The following LGR4 variants were observed in gnomAD, a reference collection of about 807,000 sequenced individuals.
LGR4 encodes leucine-rich repeat-containing G protein-coupled receptor 4.
A neutral mutation model predicts 84.8 loss-of-function variants in LGR4; 44 were observed. That is an observed-to-expected ratio of 0.52 (90% CI 0.41 to 0.67). LGR4 has a LOEUF of 0.67. Ranked by LOEUF, LGR4 falls within the 30% of genes least tolerant of loss-of-function variation. The probability of loss-of-function intolerance (pLI) is 0.00; values close to 1 mark genes in which losing one functional copy is unlikely to be tolerated. For synonymous variants in LGR4, 429 were observed against 434.3 expected (o/e 0.99, Z 0.15); for missense variants, 1,032 against 1,131.4 (o/e 0.91, Z 1.26).
intron 1 of LGR4, among the ~76,000 whole-genome samples, chr11:27,461,343 T>C (rs78253320): frequency 6.8e-6 from 1 of 146,718 alleles, no homozygotes; most frequent in African/African-American, 2.5e-5. Context: ...TCTCCATAAA[T>C]TAAAAAAAAA....
chr11:27,417,380 G>C (rs1863840870), intron 1 of LGR4, among the ~76,000 whole-genome samples: 1 of 152,030 alleles, frequency 6.6e-6, no homozygotes, highest in South Asian at 2.1e-4. Context: ...CAGGGTCTTT[G>C]GTAATCAACC....
intron 1 of LGR4, among the ~76,000 whole-genome samples, chr11:27,466,188 G>C (rs187790675): frequency 3.0e-4 from 45 of 152,228 alleles, no homozygotes; most frequent in Non-Finnish European, 5.7e-4. Flanking sequence ...ACATTTGGCA[G>C]GGTTTTAACT....
At chr11:27,373,792 G>A in intron 14 of LGR4, 116 bp from the exon 15 acceptor site, 1 of 1,098,338 alleles carries the variant, frequency 9.1e-7, no homozygotes, top group Non-Finnish European at 1.3e-6. Context: ...AAGTGGGGGT[G>A]CTAAAATTAT....
intron 1 of LGR4, among the ~76,000 whole-genome samples, chr11:27,447,040 T>G: frequency 2.2e-5 from 3 of 133,576 alleles, no homozygotes; most frequent in Admixed American, 7.7e-5. Context: ...TGTCATGGGG[T>G]CAGGGGAGGG....
At chr11:27,411,042 C>T (rs763667095) in intron 2 of LGR4, among the ~76,000 whole-genome samples, 2 of 152,090 alleles carry the variant, frequency 1.3e-5, no homozygotes, top group East Asian at 1.9e-4. Flanking sequence ...AACTGGCAAT[C>T]GAAGGCATCA....
intron 11 of LGR4, 147 bp from the exon 12 acceptor site, chr11:27,377,370 C>T (rs1590345373): frequency 2.2e-6 from 1 of 458,848 alleles, no homozygotes; most frequent in Non-Finnish European, 3.9e-6. Context: ...TTTCCTAAGA[C>T]TTGTCAGCTT....
rs1257557514 is a variant in LGR4, at chr11:27,366,185, A to AT, written c.*1681dup. 2 of 152,598 alleles carry AT rather than the reference A, an allele frequency of 1.3e-5. No individual in the cohort carries two copies. Among genetic ancestry groups the AT allele is most frequent in the Non-Finnish European group, 2.9e-5 (2 of 67,976 alleles). 9.5% of individuals were successfully genotyped at this position (152,598 alleles called of 1,614,324 possible). ...AGATGTGTAAATATACATGATAGCA[A>AT]TTTTTAAAACTTGTAAATAGTTGGC... On this transcript the variant is annotated 3_prime_UTR_variant, in exon 18 of 18. Transcript: ENST00000379214.
At chr11:27,438,818 C>G (rs547866379) in intron 1 of LGR4, among the ~76,000 whole-genome samples, 1 of 152,296 alleles carries the variant, frequency 6.6e-6, no homozygotes, top group South Asian at 2.1e-4. Context: ...CCTTCAGACT[C>G]TAACTGAAAC....
intron 1 of LGR4, among the ~76,000 whole-genome samples, chr11:27,461,836 A>ATTTTTTTT (rs35205372): frequency 7.8e-5 from 6 of 76,556 alleles, no homozygotes; most frequent in Admixed American, 2.0e-4. Context: ...TTGAGTTAGG[A>ATTTTTTTT]TTTTTTTTTT....
At chr11:27,413,639 G>A (rs1389766688) in intron 1 of LGR4, among the ~76,000 whole-genome samples, 5 of 152,150 alleles carry the variant, frequency 3.3e-5, no homozygotes, top group African/African-American at 7.2e-5. Context: ...CCCAGCATGC[G>A]CTGGGGCAGT....
At chr11:27,471,057 T>A (rs755764085) in intron 1 of LGR4, among the ~76,000 whole-genome samples, 6 of 152,172 alleles carry the variant, frequency 3.9e-5, no homozygotes, top group Non-Finnish European at 7.4e-5. Context: ...CTGCTCCTGA[T>A]TTAAGCATTC....
At chr11:27,445,807 G>A (rs573728904) in intron 1 of LGR4, among the ~76,000 whole-genome samples, 256 of 152,198 alleles carry the variant, frequency 1.7e-3, no homozygotes, top group Middle Eastern at 0.014. Flanking sequence ...GAGCCCACAG[G>A]TGAAGGTTGC....
At chr11:27,455,940 A>T (rs1864567480) in intron 1 of LGR4, among the ~76,000 whole-genome samples, 1 of 152,178 alleles carries the variant, frequency 6.6e-6, no homozygotes, top group Non-Finnish European at 1.5e-5. Flanking sequence ...AATAGATAAC[A>T]CGTGTTACGC....
chr11:27,385,810 G>T (rs867881461), intron 4 of LGR4, among the ~76,000 whole-genome samples: 4 of 39,780 alleles, frequency 1.0e-4, no homozygotes, highest in Admixed American at 4.0e-4. Context: ...TAATTATCAG[G>T]CATACAAAAA....
At chr11:27,385,508 T>C (rs1863171789) in intron 4 of LGR4, 40 bp from the exon 5 acceptor site, 7 of 1,343,024 alleles carry the variant, frequency 5.2e-6, no homozygotes, top group Non-Finnish European at 7.3e-6. Context: ...TAACAAATTC[T>C]AGTGAAATGA....
At chr11:27,457,668 T>A (rs1221806354) in intron 1 of LGR4, among the ~76,000 whole-genome samples, 1 of 152,236 alleles carries the variant, frequency 6.6e-6, no homozygotes, top group East Asian at 1.9e-4. Flanking sequence ...TAGGTATTTA[T>A]GCAAGTGAAA....
chr11:27,416,772 C>A (rs995272096), intron 1 of LGR4, among the ~76,000 whole-genome samples: 2 of 152,146 alleles, frequency 1.3e-5, no homozygotes, highest in Non-Finnish European at 2.9e-5. Context: ...CTCCCAAATA[C>A]CAGCAGTCAT....
Position 27,376,319 on chromosome 11 carries a change from G to T in LGR4, c.1161C>A (p.Gly387=). ...IYQIKEGTFQ[G]LISLRILDLS... ...CTTACAGAATCCTTAGAGATATCAG[G>T]CCTTGAAAGGTGCCTTCCTTTATTT... The change falls in exon 13 of 18, where the codon GGC becomes GGA. Residue 387 remains glycine (G), a synonymous_variant. Transcript: ENST00000379214. The T allele has an allele frequency of 1.3e-6, 2 of 1,580,790 alleles. No individual in the cohort carries two copies. The highest frequency in any genetic ancestry group is 1.7e-5 in the Admixed American group (1 of 57,584).
chr11:27,472,039 C>G (rs1864884025), intron 1 of LGR4, 79 bp downstream of exon 1: 1 of 1,101,518 alleles, frequency 9.1e-7, no homozygotes. Flanking sequence ...GTGGGACTGA[C>G]CCCTGGCTCC....
Sources: allele counts gnomAD v4.1 joint callset (sites outside exome capture counted in the v4.1 genomes callset), GRCh38; gene constraint gnomAD v4.1.1; transcripts MANE v1.5; gene names NCBI Gene and HGNC (gene_info 2026-07-23, HGNC 2026-07-21).